ERVH48-1: variants seen among roughly 807,000 people sequenced by gnomAD.
ERVH48-1 encodes the protein endogenous retrovirus group 48 member 1, envelope, also known as suppressyn.
A neutral mutation model predicts 2.4 loss-of-function variants in ERVH48-1; 4 were observed. The observed-to-expected ratio is 1.68, with a 90% CI of 0.83 to 3.84. ERVH48-1 has a LOEUF of 3.84. Among genes scored for constraint, ERVH48-1 ranks in the 30% most tolerant of loss-of-function variants. The pLI, the probability that ERVH48-1 is intolerant of heterozygous loss-of-function variation, is 0.01. For synonymous variants in ERVH48-1, 32 were observed against 15.5 expected (o/e 2.06, Z -2.49); for missense variants, 97 against 43.4 (o/e 2.23, Z -3.47).
At chr21:42,924,829 A>T (rs1316764503) in intron 1 of ERVH48-1, among the ~76,000 whole-genome samples, 1 of 152,148 alleles carries the variant, frequency 6.6e-6, no homozygotes, top group Non-Finnish European at 1.5e-5. Context: ...GGACAGCCGG[A>T]GGGAGACGAT....
chr21:42,918,394 G>C lies in ERVH48-1; in HGVS notation c.*130C>G. 1 of 367,158 alleles carries C rather than the reference G, an allele frequency of 2.7e-6. No individual in the cohort carries two copies. Among genetic ancestry groups the C allele is most frequent in the Non-Finnish European group, 5.3e-6 (1 of 187,704 alleles). 22.7% of individuals were successfully genotyped at this position (367,158 alleles called of 1,614,324 possible). A position where few individuals can be genotyped will look rare whatever the true frequency, so the allele number is the denominator to read the frequency against. On this transcript the variant is annotated 3_prime_UTR_variant, in exon 2 of 2. Transcript: ENST00000447535. ...GTAAGTAAGGGGGAATGTCTATCCC[G>C]TCCCACAGCCACTGTTCACTCATAA... is the stretch of plus-strand genomic sequence containing the variant.
At position 42,918,229 on chromosome 21, in the gene ERVH48-1, C is replaced by T. The variant is rs951578538; in HGVS notation, c.*295G>A. Reference sequence around the variant, plus strand: ...GGCATTGACTGTTAGGGTTTGGTGACGGGTTTTCACCTACGGCGCGATGGG... The same window carrying T: ...GGCATTGACTGTTAGGGTTTGGTGATGGGTTTTCACCTACGGCGCGATGGG... On this transcript the variant is annotated 3_prime_UTR_variant, in exon 2 of 2. Transcript: ENST00000447535. 64 of 297,488 alleles carry T rather than the reference C, an allele frequency of 2.2e-4. No homozygotes were observed. Among genetic ancestry groups the T allele is most frequent in the South Asian group, 1.6e-4 (5 of 31,008 alleles). 18.4% of individuals were successfully genotyped at this position (297,488 alleles called of 1,614,324 possible). A position where few individuals can be genotyped will look rare whatever the true frequency, so the allele number is the denominator to read the frequency against.
At chr21:42,922,097 C>T (rs978977198) in intron 1 of ERVH48-1, among the ~76,000 whole-genome samples, 4 of 152,018 alleles carry the variant, frequency 2.6e-5, no homozygotes, top group Non-Finnish European at 4.4e-5. Flanking sequence ...GGCGAGGAGG[C>T]GAGAAATGAT....
In ERVH48-1 at chr21:42,918,530, T is replaced by G. The variant is rs2058795777; in HGVS notation, c.477A>C (p.Lys159Asn). 1 of 454,306 alleles carries G rather than the reference T, an allele frequency of 2.2e-6. No homozygotes were observed. The highest frequency in any genetic ancestry group is 4.4e-6 in the Non-Finnish European group (1 of 225,686). The allele number at this position is 454,306 out of a possible 1,614,324, so 28.1% of individuals were successfully genotyped here. The change falls in exon 2 of 2, where the codon AAA (lysine) becomes AAC (asparagine). Residue 159 changes from lysine (K) to asparagine (N), a missense_variant. Lys to Asn is a moderately conservative substitution (Grantham distance 94, BLOSUM62 0). Transcript: ENST00000447535. ...RPRHFHSFIQKL is the reference protein window; with the variant it reads ...RPRHFHSFIQNL ...TAGGAAGGGATGCATCTGCTTATAG[T>G]TTTTGTATAAAGGAATGGAAATGCC...
In ERVH48-1 at chr21:42,918,506, A is replaced by T. The variant is rs1463525483; in HGVS notation, c.*18T>A. Reference sequence around the variant, plus strand: ...CTACAAACAGATTTTTTCCTGGCTTAGGAAGGGATGCATCTGCTTATAGTT... The same window carrying T: ...CTACAAACAGATTTTTTCCTGGCTTTGGAAGGGATGCATCTGCTTATAGTT... On this transcript the variant is annotated 3_prime_UTR_variant, in exon 2 of 2. Transcript: ENST00000447535. 1 of 445,888 alleles carries T rather than the reference A, an allele frequency of 2.2e-6. No individual in the cohort carries two copies. The highest frequency in any genetic ancestry group is 2.4e-5 in the Admixed American group (1 of 40,842). The allele number at this position is 445,888 out of a possible 1,614,324, so 27.6% of individuals were successfully genotyped here.
chr21:42,924,381 C>G (rs930818816), intron 1 of ERVH48-1, among the ~76,000 whole-genome samples: 10 of 151,950 alleles, frequency 6.6e-5, no homozygotes, highest in African/African-American at 2.4e-4. Context: ...AAGGGGTGGA[C>G]AGCAGTTGGC....
chr21:42,923,342 A>T (rs1391414274), intron 1 of ERVH48-1, among the ~76,000 whole-genome samples: 2 of 152,168 alleles, frequency 1.3e-5, no homozygotes, highest in East Asian at 3.9e-4. Context: ...TTTCTTCATC[A>T]CAATTATTAA....
chr21:42,925,303 C>T (rs999644219), intron 1 of ERVH48-1, 43 bp downstream of exon 1: 5 of 363,912 alleles, frequency 1.4e-5, no homozygotes, highest in African/African-American at 2.2e-5. Context: ...CAAGAGAGGC[C>T]GTGCGGATTT....
Position 42,918,485 on chromosome 21 carries a change from A to T in ERVH48-1, c.*39T>A, listed in dbSNP as rs1480644527. The T allele has an allele frequency of 9.2e-6, 4 of 435,374 alleles. No individual in the cohort carries two copies. The East Asian group carries it at 2.8e-4, about 31-fold the overall frequency. 27.0% of individuals were successfully genotyped at this position (435,374 alleles called of 1,614,324 possible). On this transcript the variant is annotated 3_prime_UTR_variant, in exon 2 of 2. Coordinates refer to ENST00000447535, the MANE Select transcript of ERVH48-1 (RefSeq NM_001308491.2). ...AGCACAATGGTTCTCCTAGATCTAC[A>T]AACAGATTTTTTCCTGGCTTAGGAA...
chr21:42,920,851 G>A (rs540500766), intron 1 of ERVH48-1, among the ~76,000 whole-genome samples: 16 of 152,284 alleles, frequency 1.1e-4, no homozygotes, highest in African/African-American at 2.2e-4. Context: ...GAGTGTGGCC[G>A]GGTTTAGACA....
chr21:42,918,422 C>T lies in ERVH48-1; in HGVS notation c.*102G>A, dbSNP rs2058795328. ...CCACAGCCACTGTTCACTCATAAAGCTCCCCCGCATACCCAACAATTGGAC... is the reference window on the plus strand; with the variant it reads ...CCACAGCCACTGTTCACTCATAAAGTTCCCCCGCATACCCAACAATTGGAC... On this transcript the variant is annotated 3_prime_UTR_variant, in exon 2 of 2. Coordinates refer to ENST00000447535, the MANE Select transcript of ERVH48-1 (RefSeq NM_001308491.2). 5.3e-6 allele frequency: 2 copies of T among 375,482 alleles called. No homozygotes were observed. Among genetic ancestry groups the T allele is most frequent in the South Asian group, 4.1e-5 (2 of 49,364 alleles). 23.3% of individuals were successfully genotyped at this position (375,482 alleles called of 1,614,324 possible).
intron 1 of ERVH48-1, among the ~76,000 whole-genome samples, chr21:42,922,196 GGGGTGTGGTGTTTTGCAACT>G (rs2058807884): frequency 6.6e-6 from 1 of 152,080 alleles, no homozygotes; most frequent in Admixed American, 6.6e-5. Context: ...AATGCAGAAG[GGGGTGTGGTGTTTTGCAACT>G]GAGGGTGTGG....
At chr21:42,923,834 A>T (rs950699387) in intron 1 of ERVH48-1, among the ~76,000 whole-genome samples, 1 of 152,218 alleles carries the variant, frequency 6.6e-6, no homozygotes, top group Non-Finnish European at 1.5e-5. Flanking sequence ...AGGATAACGT[A>T]GAGGTCATGC....
chr21:42,919,055 AAAT>A lies in ERVH48-1; in HGVS notation c.-52_-50del. On this transcript the variant is annotated 5_prime_UTR_variant, in exon 2 of 2. Coordinates refer to ENST00000447535, the MANE Select transcript of ERVH48-1 (RefSeq NM_001308491.2). The stretch of plus-strand genomic sequence containing the variant: ...TCCTTGTGTTTTGGTTTTAAGAAAA[AAAT>A]GTTGGTTAATTTAAACTTGGTAGGA... 1 of 1,218,222 alleles carries A rather than the reference AAAT, an allele frequency of 8.2e-7. No homozygotes were observed. Among genetic ancestry groups the A allele is most frequent in the Non-Finnish European group, 1.0e-6 (1 of 952,808 alleles). The allele number at this position is 1,218,222 out of a possible 1,614,324, so 75.5% of individuals were successfully genotyped here. A position where few individuals can be genotyped will look rare whatever the true frequency, so the allele number is the denominator to read the frequency against.
chr21:42,922,708 C>A (rs1423061094), intron 1 of ERVH48-1, among the ~76,000 whole-genome samples: 6 of 143,222 alleles, frequency 4.2e-5, no homozygotes, highest in South Asian at 2.2e-4. Flanking sequence ...CCACTGCACT[C>A]CAGCCTGGGA....
Position 42,917,572 on chromosome 21 carries a change from C to T in ERVH48-1, c.*952G>A, listed in dbSNP as rs1007356460. 2 of 152,174 alleles carry T rather than the reference C, an allele frequency of 1.3e-5. No homozygotes were observed. The highest frequency in any genetic ancestry group is 3.8e-4 in the East Asian group (2 of 5,202). 9.4% of individuals were successfully genotyped at this position (152,174 alleles called of 1,614,324 possible). On this transcript the variant is annotated 3_prime_UTR_variant, in exon 2 of 2. Transcript: ENST00000447535. ...ATGTTAAACTTACCACAGCCCGCAC[C>T]CTCTTCTGCTAATAAGTAGTCTAGG...
intron 1 of ERVH48-1, among the ~76,000 whole-genome samples, chr21:42,922,765 AG>A (rs2058810123): frequency 7.1e-6 from 1 of 141,598 alleles, no homozygotes; most frequent in African/African-American, 2.6e-5. Context: ...AAAAAAAAAA[AG>A]TGAGTGAAGG....
intron 1 of ERVH48-1, among the ~76,000 whole-genome samples, chr21:42,922,626 G>C (rs1189445310): frequency 2.0e-5 from 3 of 151,320 alleles, no homozygotes; most frequent in Admixed American, 1.3e-4. Flanking sequence ...TGTAGTCCCA[G>C]CTACTCGGGA....
chr21:42,923,511 T>G (rs1245285627), intron 1 of ERVH48-1, among the ~76,000 whole-genome samples: 1 of 152,122 alleles, frequency 6.6e-6, no homozygotes, highest in Admixed American at 6.5e-5. Context: ...GTTGGTATAT[T>G]TTCTCATGGC....
Sources: gnomAD v4.1 joint callset for allele counts (sites outside exome capture counted in the v4.1 genomes callset) on GRCh38, gnomAD v4.1.1 for gene constraint, MANE v1.5 for transcripts, NCBI Gene and HGNC (gene_info 2026-07-23, HGNC 2026-07-21) for gene names.